The following HSPA12B variants were observed in gnomAD, a reference collection of about 807,000 sequenced individuals.
HSPA12B encodes heat shock protein family A (Hsp70) member 12B.
HSPA12B carries 54 observed loss-of-function variants against 69.3 expected under a neutral mutation model. That is an observed-to-expected ratio of 0.78 (90% CI 0.63 to 0.98). HSPA12B has a LOEUF of 0.98. HSPA12B is among the 50% of genes least tolerant of loss of function. The pLI, the probability that HSPA12B is intolerant of heterozygous loss-of-function variation, is 0.00. For synonymous variants in HSPA12B, 441 were observed against 436.5 expected (o/e 1.01, Z -0.13); for missense variants, 929 against 999.8 (o/e 0.93, Z 0.96).
At position 3,746,003 on chromosome 20, in the gene HSPA12B, A is replaced by G. The variant is rs1297793539; in HGVS notation, c.647A>G (p.Lys216Arg). The change falls in exon 7 of 13, where the codon AAG becomes AGG. Residue 216 changes from lysine (K) to arginine (R), a missense_variant. By Grantham distance (26) the Lys-to-Arg change is conservative. Coordinates refer to ENST00000254963, the MANE Select transcript of HSPA12B (RefSeq NM_052970.5). ...CCTGCCATCTGGAAACAGCCAGCCA[A>G]GCAGTTCATGCGGGAGGCTGCCTAC... The part of the protein sequence containing the change: ...TVPAIWKQPA[K>R]QFMREAAYLA... 5 of 1,613,948 alleles carry G rather than the reference A, an allele frequency of 3.1e-6. No individual in the cohort carries two copies. The highest frequency in any genetic ancestry group is 4.2e-6 in the Non-Finnish European group (5 of 1,179,932).
intron 1 of HSPA12B, among the ~76,000 whole-genome samples, chr20:3,735,204 C>G (rs915740426): frequency 2.6e-5 from 4 of 152,172 alleles, no homozygotes; most frequent in Non-Finnish European, 5.9e-5. Flanking sequence ...TTATCAATAC[C>G]TTGCATATCT....
In HSPA12B at chr20:3,752,407, C is replaced by T; in HGVS notation, c.*241C>T. 1 of 418,602 alleles carries T rather than the reference C, an allele frequency of 2.4e-6. No homozygotes were observed. Among genetic ancestry groups the T allele is most frequent in the Non-Finnish European group, 4.2e-6 (1 of 238,320 alleles). 25.9% of individuals were successfully genotyped at this position (418,602 alleles called of 1,614,324 possible). On this transcript the variant is annotated 3_prime_UTR_variant, in exon 13 of 13. Transcript: ENST00000254963. ...CTGAAGGGACCCGCCAAGGACTGAA[C>T]GGGTAAGAGAAGAGGTTTGCAAGAC...
chr20:3,745,744 T>G lies in HSPA12B; in HGVS notation c.558+147T>G. On this transcript the variant is annotated intron_variant, in intron 6 of 12. Coordinates refer to ENST00000254963, the MANE Select transcript of HSPA12B (RefSeq NM_052970.5). This position sits in a 1 kb window ranked among gnomAD's most constrained non-coding sequence, Gnocchi z 5.6. ...CATCTTCTCCAGTACCCTCCTCCCT[T>G]TTTGTCTGGTAGAGCCTGCACCAAG... 1.1e-6 allele frequency: 1 copy of G among 926,640 alleles called. No homozygotes were observed. 57.4% of individuals were successfully genotyped at this position (926,640 alleles called of 1,614,324 possible).
intron 4 of HSPA12B, among the ~76,000 whole-genome samples, chr20:3,743,884 A>G (rs2088251587): frequency 6.6e-6 from 1 of 152,216 alleles, no homozygotes; most frequent in African/African-American, 2.4e-5. Context: ...GTAAAAAGGA[A>G]AAGAAAAAAT....
At position 3,749,615 on chromosome 20, in the gene HSPA12B, C is replaced by G; in HGVS notation, c.938-135C>G. On this transcript the variant is annotated intron_variant, in intron 9 of 12. Transcript: ENST00000254963. The surrounding 1 kb of genome is among the most constrained non-coding windows in gnomAD (Gnocchi z 5.5). ...TCTGAGGTTCAAGCACCTGAAGCCC[C>G]TCACGTCCCTCCCCCGACCCTGCAG... 1 of 668,292 alleles carries G rather than the reference C, an allele frequency of 1.5e-6. No homozygotes were observed. The highest frequency in any genetic ancestry group is 2.5e-6 in the Non-Finnish European group (1 of 398,560). The allele number at this position is 668,292 out of a possible 1,614,324, so 41.4% of individuals were successfully genotyped here. A position where few individuals can be genotyped will look rare whatever the true frequency, so the allele number is the denominator to read the frequency against.
Position 3,746,033 on chromosome 20 carries a change from T to C in HSPA12B, c.675+2T>C, listed in dbSNP as rs756788085. On this transcript the variant is annotated splice_donor_variant, in intron 7 of 12. Transcript: ENST00000254963. LOFTEE classifies it high-confidence loss of function. The stretch of plus-strand genomic sequence containing the variant: ...TTCATGCGGGAGGCTGCCTACCTGG[T>C]GAGGACGTGCAGGCGGGCCCGAGAA... The C allele has an allele frequency of 1.2e-5, 19 of 1,612,094 alleles. 1 individual carries two copies.
intron 7 of HSPA12B, among the ~76,000 whole-genome samples, chr20:3,746,587 C>G (rs2088311251): frequency 6.6e-6 from 1 of 152,152 alleles, no homozygotes; most frequent in Non-Finnish European, 1.5e-5. Flanking sequence ...CAGGCGTGAG[C>G]CACCGCGCCC....
Position 3,749,377 on chromosome 20 carries a change from T to TG in HSPA12B, c.937+65dup. On this transcript the variant is annotated intron_variant, in intron 9 of 12. Transcript: ENST00000254963. The surrounding 1 kb of genome is among the most constrained non-coding windows in gnomAD (Gnocchi z 5.5). ...GCCCCTACCGGGCACCATATACTGA[T>TG]GGGGGGAAGGGCATGTTTGCAAAGC... The TG allele has an allele frequency of 6.9e-7, 1 of 1,446,964 alleles. No individual in the cohort carries two copies. 89.6% of individuals were successfully genotyped at this position (1,446,964 alleles called of 1,614,324 possible).
chr20:3,746,516 A>T (rs1600323816), intron 7 of HSPA12B, among the ~76,000 whole-genome samples: 2 of 151,706 alleles, frequency 1.3e-5, no homozygotes, highest in South Asian at 2.1e-4. Flanking sequence ...GTTAGCCAGG[A>T]TGGTTTCAAT....
rs1408534799 is a variant in HSPA12B, at chr20:3,737,540, T to G, written c.-17-1118T>G. Among the ~76,000 whole-genome samples the G allele has an allele frequency of 6.6e-6, 1 of 152,206 alleles. No individual in the cohort carries two copies. The highest frequency in any genetic ancestry group is 1.5e-5 in the Non-Finnish European group (1 of 68,042). On this transcript the variant is annotated intron_variant, in intron 1 of 12. Coordinates refer to ENST00000254963, the MANE Select transcript of HSPA12B (RefSeq NM_052970.5). This position sits in a 1 kb window ranked among gnomAD's most constrained non-coding sequence, Gnocchi z 4.1. ...TCCCTTGGGCCACTAAAACAGTGTT[T>G]CCAGTCTCATCTGGGGACCTTTTAC...
intron 1 of HSPA12B, among the ~76,000 whole-genome samples, chr20:3,736,192 G>A (rs1489916768): frequency 6.6e-6 from 1 of 152,164 alleles, no homozygotes; most frequent in Non-Finnish European, 1.5e-5. Context: ...TCCTGAGCTG[G>A]GCTCTGGGCT....
Position 3,744,521 on chromosome 20 carries a change from G to A in HSPA12B, c.267-381G>A, listed in dbSNP as rs1002760490. Among the ~76,000 whole-genome samples, 2 of 152,086 alleles carry A rather than the reference G, an allele frequency of 1.3e-5. No homozygotes were observed. The highest frequency in any genetic ancestry group is 4.8e-5 in the African/African-American group (2 of 41,406). On this transcript the variant is annotated intron_variant, in intron 4 of 12. Coordinates refer to ENST00000254963, the MANE Select transcript of HSPA12B (RefSeq NM_052970.5). This position sits in a 1 kb window ranked among gnomAD's most constrained non-coding sequence, Gnocchi z 4.9. ...GAATACCCATCTACTTCTCTCCATG[G>A]CCACTGATCGTGCCCAAGTTCAGCC...
At chr20:3,750,322 G>T in intron 11 of HSPA12B, 95 bp downstream of exon 11, 1 of 1,294,948 alleles carries the variant, frequency 7.7e-7, no homozygotes, top group Non-Finnish European at 1.0e-6. Context: ...GTGGGGGTCT[G>T]CCTGATTCAT....
rs1276138514 is a variant in HSPA12B, at chr20:3,752,963, C to T, written c.*797C>T. ...GGTGGTCCCAGCTCTGCTATTGACT[C>T]GGTATGCCTTTAGGACATTCTCTTA... On this transcript the variant is annotated 3_prime_UTR_variant, in exon 13 of 13. Transcript: ENST00000254963. 6.5e-6 allele frequency: 1 copy of T among 153,592 alleles called. No individual in the cohort carries two copies. Among genetic ancestry groups the T allele is most frequent in the Non-Finnish European group, 1.5e-5 (1 of 68,072 alleles). 9.5% of individuals were successfully genotyped at this position (153,592 alleles called of 1,614,324 possible).
At position 3,746,674 on chromosome 20, in the gene HSPA12B, A is replaced by T. The variant is rs566086449; in HGVS notation, c.675+643A>T. 2.9e-3 allele frequency among the ~76,000 whole-genome samples: 435 copies of T among 152,268 alleles called. 4 individuals are homozygous for T. The highest frequency in any genetic ancestry group is 0.01 in the African/African-American group (416 of 41,550). On this transcript the variant is annotated intron_variant, in intron 7 of 12. Transcript: ENST00000254963. ...GAGAAAGGCGAGGGAGGGAGGCGGGACAGGAGAAGGAGCTATGAAGGATGT... is the reference window on the plus strand; with the variant it reads ...GAGAAAGGCGAGGGAGGGAGGCGGGTCAGGAGAAGGAGCTATGAAGGATGT...
In HSPA12B at chr20:3,740,867, C is replaced by A; in HGVS notation, c.96C>A (p.Thr32=). Residue 32 remains threonine, a synonymous_variant, in exon 3 of 13, where the codon ACC becomes ACA. Transcript: ENST00000254963. This position sits in a 1 kb window ranked among gnomAD's most constrained non-coding sequence, Gnocchi z 4.9. ...PVPSPPGSPR[T]QESCGIAPLT... ...CTAGCCCACCCGGCTCCCCGAGGAC[C>A]CAGGAAAGCTGCGGCATTGCCCCCC... is the stretch of plus-strand genomic sequence containing the variant. 1 of 1,613,814 alleles carries A rather than the reference C, an allele frequency of 6.2e-7. No individual in the cohort carries two copies. Among genetic ancestry groups the A allele is most frequent in the Non-Finnish European group, 8.5e-7 (1 of 1,179,922 alleles).
chr20:3,743,221 T>TCA (rs79423311), intron 4 of HSPA12B, among the ~76,000 whole-genome samples: 29,336 of 146,740 alleles, frequency 0.2, 3,232 homozygotes, highest in Middle Eastern at 0.26. Flanking sequence ...TCTCGCTCTG[T>TCA]CACACAAGCT....
At position 3,742,422 on chromosome 20, in the gene HSPA12B, G is replaced by A. The variant is rs1214064428; in HGVS notation, c.266+14G>A. Reference sequence around the variant, plus strand: ...CCACATGATGAGGTGAGGTCGGCTGGGCTGAGAGAGTGAGGTGGGGAAGGT... The same window carrying A: ...CCACATGATGAGGTGAGGTCGGCTGAGCTGAGAGAGTGAGGTGGGGAAGGT... On this transcript the variant is annotated intron_variant, in intron 4 of 12. Coordinates refer to ENST00000254963, the MANE Select transcript of HSPA12B (RefSeq NM_052970.5). 6.3e-7 allele frequency: 1 copy of A among 1,598,520 alleles called. No homozygotes were observed. The highest frequency in any genetic ancestry group is 8.6e-7 in the Non-Finnish European group (1 of 1,167,034).
chr20:3,745,101 G>A lies in HSPA12B; in HGVS notation c.453+13G>A, dbSNP rs1272208488. 6.2e-7 allele frequency: 1 copy of A among 1,608,920 alleles called. No individual in the cohort carries two copies. The highest frequency in any genetic ancestry group is 1.1e-5 in the South Asian group (1 of 90,834). The stretch of plus-strand genomic sequence containing the variant: ...CCACAGCGCCACGGTGAGTCACAGG[G>A]CTCCAGACAGGGAGGCGGGGCCAGC... On this transcript the variant is annotated intron_variant, in intron 5 of 12. Coordinates refer to ENST00000254963, the MANE Select transcript of HSPA12B (RefSeq NM_052970.5). The surrounding 1 kb of genome is among the most constrained non-coding windows in gnomAD (Gnocchi z 5.6).
Sources: allele counts gnomAD v4.1 joint callset (sites outside exome capture counted in the v4.1 genomes callset), GRCh38; gene constraint gnomAD v4.1.1; non-coding constraint Gnocchi (gnomAD v3.1); transcripts MANE v1.5; gene names NCBI Gene and HGNC (gene_info 2026-07-23, HGNC 2026-07-21).